TBC1D19: variants seen among roughly 807,000 people sequenced by gnomAD.
TBC1D19 encodes TBC1 domain family, member 19.
TBC1D19 carries 60 observed loss-of-function variants against 89.0 expected under a neutral mutation model. The ratio of observed to expected loss-of-function variants is 0.67; its 90% CI spans 0.55 to 0.84. The LOEUF (loss-of-function observed/expected upper bound fraction) is 0.84, where lower values mean the gene tolerates loss of function less well. Among genes scored for constraint, TBC1D19 ranks in the 40% least tolerant of loss-of-function variants. The probability of loss-of-function intolerance (pLI) is 0.00; values close to 1 mark genes in which losing one functional copy is unlikely to be tolerated. For synonymous variants in TBC1D19, 189 were observed against 199.7 expected (o/e 0.95, Z 0.45); for missense variants, 500 against 610.8 (o/e 0.82, Z 1.91).
At chr4:26,588,432 A>AT (rs1023220428) in intron 1 of TBC1D19, among the ~76,000 whole-genome samples, 1 of 151,626 alleles carries the variant, frequency 6.6e-6, no homozygotes, top group East Asian at 1.9e-4. Flanking sequence ...AATCGCTCTG[A>AT]TTTTTTTCCT....
intron 13 of TBC1D19, among the ~76,000 whole-genome samples, chr4:26,707,804 T>C (rs1400882537): frequency 6.6e-6 from 1 of 152,070 alleles, no homozygotes; most frequent in Non-Finnish European, 1.5e-5. Flanking sequence ...AATTTAACTT[T>C]AGTAACATAC....
At chr4:26,628,897 G>A (rs1204157801) in intron 4 of TBC1D19, among the ~76,000 whole-genome samples, 1 of 151,856 alleles carries the variant, frequency 6.6e-6, no homozygotes, top group African/African-American at 2.4e-5. Flanking sequence ...ATGCTCATGG[G>A]TAGGAAGAAT....
chr4:26,784,062 A>C, the TBC1D19 span, among the ~76,000 whole-genome samples: 1 of 152,150 alleles, frequency 6.6e-6, no homozygotes, highest in Non-Finnish European at 1.5e-5. Context: ...CCTGTGTACT[A>C]ATCTTGTTGA....
At chr4:26,855,271 T>C in the TBC1D19 span, among the ~76,000 whole-genome samples, 1 of 152,230 alleles carries the variant, frequency 6.6e-6, no homozygotes, top group Non-Finnish European at 1.5e-5. Flanking sequence ...TGTAAAGACT[T>C]CTGTGTACGT....
At chr4:26,625,396 A>C (rs1402806347) in intron 4 of TBC1D19, among the ~76,000 whole-genome samples, 3 of 152,186 alleles carry the variant, frequency 2.0e-5, no homozygotes, top group Non-Finnish European at 4.4e-5. Context: ...GAGTTTTGCG[A>C]AGTTAGCACA....
At chr4:26,707,168 T>C (rs1371784111) in intron 13 of TBC1D19, among the ~76,000 whole-genome samples, 2 of 152,060 alleles carry the variant, frequency 1.3e-5, no homozygotes, top group Non-Finnish European at 2.9e-5. Context: ...TAGAATTGTC[T>C]ATATCTCCTT....
intron 3 of TBC1D19, 59 bp from the exon 4 acceptor site, chr4:26,620,554 A>G (rs1441529081): frequency 7.2e-7 from 1 of 1,381,092 alleles, no homozygotes; most frequent in Admixed American, 1.8e-5. Context: ...CTACAGAGGT[A>G]AGTAATATCT....
At chr4:26,836,227 A>G in the TBC1D19 span, among the ~76,000 whole-genome samples, 2 of 152,200 alleles carry the variant, frequency 1.3e-5, no homozygotes, top group African/African-American at 4.8e-5. Flanking sequence ...CGTCTCCTCA[A>G]CTAGACTTTA....
At chr4:26,673,424 C>CATATAT (rs769124292) in intron 10 of TBC1D19, among the ~76,000 whole-genome samples, 36 of 105,996 alleles carry the variant, frequency 3.4e-4, no homozygotes, top group Middle Eastern at 5.7e-3. Flanking sequence ...AAAATTATTT[C>CATATAT]ATATATATAT....
At position 26,682,271 on chromosome 4, in the gene TBC1D19, T is replaced by TAGTAAAATAA. The variant is rs547749584; in HGVS notation, c.817-1403_817-1394dup. 7.5e-4 allele frequency among the ~76,000 whole-genome samples: 114 copies of TAGTAAAATAA among 152,270 alleles called. 1 individual carries two copies. The highest frequency in any genetic ancestry group is 2.5e-3 in the African/African-American group (102 of 41,550). On this transcript the variant is annotated intron_variant, in intron 11 of 20. Coordinates refer to ENST00000264866, the MANE Select transcript of TBC1D19 (RefSeq NM_018317.4). The stretch of plus-strand genomic sequence containing the variant: ...TAGATACAATGGAATATAAATAAAA[T>TAGTAAAATAA]AGTAAAATAATTTTGCTTTAGTTAA...
At chr4:26,767,331 C>T in the TBC1D19 span, among the ~76,000 whole-genome samples, 3 of 152,126 alleles carry the variant, frequency 2.0e-5, no homozygotes, top group Admixed American at 1.3e-4. Context: ...ATTGCATATA[C>T]ACAAACTATT....
intron 7 of TBC1D19, among the ~76,000 whole-genome samples, chr4:26,640,483 G>T (rs557531154): frequency 1.3e-5 from 2 of 152,200 alleles, no homozygotes; most frequent in Non-Finnish European, 2.9e-5. Flanking sequence ...AGCTCCCAGC[G>T]TGATCAACAC....
chr4:26,842,551 C>CTCCT, the TBC1D19 span, among the ~76,000 whole-genome samples: 6 of 148,524 alleles, frequency 4.0e-5, 1 homozygote, highest in African/African-American at 1.5e-4. Flanking sequence ...CCCTCCCTCC[C>CTCCT]TCCCTCTTTC....
chr4:26,696,243 A>C (rs1409062894), intron 13 of TBC1D19, among the ~76,000 whole-genome samples: 2 of 152,234 alleles, frequency 1.3e-5, no homozygotes, highest in Non-Finnish European at 2.9e-5. Flanking sequence ...AAACGAACAA[A>C]GATCAAAAGA....
At chr4:26,736,416 G>GAT (rs1718051902) in intron 16 of TBC1D19, among the ~76,000 whole-genome samples, 1 of 131,434 alleles carries the variant, frequency 7.6e-6, no homozygotes, top group African/African-American at 2.8e-5. Context: ...AGGGGGGAGG[G>GAT]ATAGCATTGG....
chr4:26,848,576 A>G, the TBC1D19 span, among the ~76,000 whole-genome samples: 2 of 152,214 alleles, frequency 1.3e-5, no homozygotes, highest in African/African-American at 4.8e-5. Context: ...AAACTGTTAC[A>G]TAGGTTTAAG....
intron 1 of TBC1D19, among the ~76,000 whole-genome samples, chr4:26,607,079 T>C (rs945088784): frequency 6.6e-6 from 1 of 152,158 alleles, no homozygotes; most frequent in African/African-American, 2.4e-5. Flanking sequence ...CATGTGTTTC[T>C]AGGAGTGCAG....
Position 26,739,863 on chromosome 4 carries a change from G to A in TBC1D19, c.1118-1G>A. ...ATTATAAATTAATTTTTTTCTTTCA[G>A]TTGCACCACTTTGTTTTCTATACCA... On this transcript the variant is annotated splice_acceptor_variant, in intron 16 of 20. Coordinates refer to ENST00000264866, the MANE Select transcript of TBC1D19 (RefSeq NM_018317.4). LOFTEE classifies it high-confidence loss of function. 1 of 1,539,632 alleles carries A rather than the reference G, an allele frequency of 6.5e-7. No homozygotes were observed. Among genetic ancestry groups the A allele is most frequent in the Non-Finnish European group, 8.7e-7 (1 of 1,144,502 alleles).
At chr4:26,636,127 A>C (rs568766372) in intron 4 of TBC1D19, among the ~76,000 whole-genome samples, 1 of 152,016 alleles carries the variant, frequency 6.6e-6, no homozygotes, top group Non-Finnish European at 1.5e-5. Flanking sequence ...ATTGATTATT[A>C]ATTGTTCTTT....
Sources: gnomAD v4.1 joint callset for allele counts (sites outside exome capture counted in the v4.1 genomes callset) on GRCh38, gnomAD v4.1.1 for gene constraint, MANE v1.5 for transcripts, NCBI Gene and HGNC (gene_info 2026-07-23, HGNC 2026-07-21) for gene names.